PCDHA12: variants seen among roughly 807,000 people sequenced by gnomAD.
PCDHA12 encodes the protein protocadherin alpha-12.
PCDHA12 carries 44 observed loss-of-function variants against 60.0 expected under a neutral mutation model. The ratio of observed to expected loss-of-function variants is 0.73; its 90% confidence interval spans 0.58 to 0.94. The LOEUF is 0.94. Ranked by LOEUF, PCDHA12 falls within the 40% of genes least tolerant of loss-of-function variation. The pLI, the probability that PCDHA12 is intolerant of heterozygous loss-of-function variation, is 0.00. For synonymous variants in PCDHA12, 569 were observed against 553.0 expected (o/e 1.03, Z -0.40); for missense variants, 1,276 against 1,239.7 (o/e 1.03, Z -0.44).
intron 1 of PCDHA12, among the ~76,000 whole-genome samples, chr5:140,918,114 G>C (rs989175486): frequency 5.8e-4 from 89 of 152,144 alleles, no homozygotes; most frequent in African/African-American, 2.1e-3. Flanking sequence ...TCACATCCTT[G>C]ATTAGCCATA....
intron 1 of PCDHA12, among the ~76,000 whole-genome samples, chr5:140,964,575 G>A (rs2153740589): frequency 6.6e-6 from 1 of 152,212 alleles, no homozygotes; most frequent in East Asian, 1.9e-4. Flanking sequence ...GGAGATAAGG[G>A]GAGGAAAGAT....
At chr5:140,941,950 A>C (rs2093203816) in intron 1 of PCDHA12, among the ~76,000 whole-genome samples, 1 of 152,172 alleles carries the variant, frequency 6.6e-6, no homozygotes, top group Admixed American at 6.5e-5. Context: ...TTTGTTTTGA[A>C]AACAATAGTA....
intron 3 of PCDHA12, among the ~76,000 whole-genome samples, chr5:141,003,899 A>G (rs1288060303): frequency 1.3e-5 from 2 of 152,200 alleles, no homozygotes; most frequent in East Asian, 1.9e-4. Context: ...AGGCCCATTC[A>G]TTTGGGTCTT....
chr5:140,961,434 A>G (rs2095611315), intron 1 of PCDHA12, among the ~76,000 whole-genome samples: 1 of 152,174 alleles, frequency 6.6e-6, no homozygotes, highest in African/African-American at 2.4e-5. Context: ...TTACAAAATC[A>G]CCTAACTACA....
Position 140,982,458 on chromosome 5 carries a change from T to C in PCDHA12, c.2427-17T>C, listed in dbSNP as rs1554244201. 1 of 1,613,996 alleles carries C rather than the reference T, an allele frequency of 6.2e-7. No homozygotes were observed. Among genetic ancestry groups the C allele is most frequent in the Non-Finnish European group, 8.5e-7 (1 of 1,179,964 alleles). ...ATTTATGATCTAACCGTTATCTGGG[T>C]CTGTGTGTTTATTCAGCTCTGTGCA... On this transcript the variant is annotated splice_polypyrimidine_tract_variant and intron_variant, in intron 2 of 3. Transcript: ENST00000398631.
intron 3 of PCDHA12, among the ~76,000 whole-genome samples, chr5:141,003,897 T>G (rs1554259369): frequency 6.6e-6 from 1 of 152,132 alleles, no homozygotes; most frequent in Non-Finnish European, 1.5e-5. Flanking sequence ...ACAGGCCCAT[T>G]CATTTGGGTC....
chr5:140,877,076 T>G lies in PCDHA12; in HGVS notation c.1604T>G (p.Val535Gly). ...HEELELLQFQVSARDAGVPPL... is the reference protein window; with the variant it reads ...HEELELLQFQGSARDAGVPPL... Reference sequence around the variant, plus strand: ...GAGCTGGAGCTGCTGCAGTTCCAGGTGAGCGCGCGCGACGCCGGCGTGCCG... The same window carrying G: ...GAGCTGGAGCTGCTGCAGTTCCAGGGGAGCGCGCGCGACGCCGGCGTGCCG... The change falls in exon 1 of 4, where the codon GTG (valine) becomes GGG (glycine). Residue 535 changes from valine to glycine, a missense_variant. Coordinates refer to ENST00000398631, the MANE Select transcript of PCDHA12 (RefSeq NM_018903.4). 1 of 1,613,022 alleles carries G rather than the reference T, an allele frequency of 6.2e-7. No individual in the cohort carries two copies. Among genetic ancestry groups the G allele is most frequent in the Non-Finnish European group, 8.5e-7 (1 of 1,179,826 alleles).
intron 1 of PCDHA12, among the ~76,000 whole-genome samples, chr5:140,913,322 T>G (rs1348973730): frequency 6.6e-6 from 1 of 152,190 alleles, no homozygotes; most frequent in Non-Finnish European, 1.5e-5. Context: ...GTAAGTTGTA[T>G]GTGTCTAGGA....
intron 1 of PCDHA12, among the ~76,000 whole-genome samples, chr5:140,921,243 G>A (rs2080116903): frequency 6.6e-6 from 1 of 151,726 alleles, no homozygotes; most frequent in Non-Finnish European, 1.5e-5. Flanking sequence ...TTAAGCCACA[G>A]ATCAAAAAGT....
rs782277287 is a variant in PCDHA12 at position 140,929,397 on chromosome 5, T to C, written c.2368-49552T>C. 4.6e-6 allele frequency: 7 copies of C among 1,509,852 alleles called. No homozygotes were observed. In the South Asian group the frequency reaches 9.5e-5, roughly 21 times the overall value. The allele number at this position is 1,509,852 out of a possible 1,614,324, so 93.5% of individuals were successfully genotyped here. A position where few individuals can be genotyped will look rare whatever the true frequency, so the allele number is the denominator to read the frequency against. Reference sequence around the variant, plus strand: ...GCTAGCTGTGTTTTGAAATATTTCTTAGACAAGCCTTTCACAACATTTCAT... The same window carrying C: ...GCTAGCTGTGTTTTGAAATATTTCTCAGACAAGCCTTTCACAACATTTCAT... On this transcript the variant is annotated intron_variant, in intron 1 of 3. Transcript: ENST00000398631.
At chr5:140,928,994 T>G (rs781964406) in intron 1 of PCDHA12, 2 of 1,613,992 alleles carry the variant, frequency 1.2e-6, no homozygotes, top group Admixed American at 3.3e-5. Flanking sequence ...TGCTTACTTT[T>G]CTTCGTGTGT....
At chr5:140,921,992 C>T (rs963694302) in intron 1 of PCDHA12, among the ~76,000 whole-genome samples, 1 of 151,726 alleles carries the variant, frequency 6.6e-6, no homozygotes, top group East Asian at 1.9e-4. Context: ...AAAAAGAGTT[C>T]AATGAAATGA....
At chr5:140,967,113 G>T in intron 1 of PCDHA12, 1 of 1,612,880 alleles carries the variant, frequency 6.2e-7, no homozygotes, top group Non-Finnish European at 8.5e-7. Flanking sequence ...CAGCGGCCTC[G>T]CTGCCTGCTC....
intron 3 of PCDHA12, among the ~76,000 whole-genome samples, chr5:140,985,878 T>C (rs891027308): frequency 6.6e-6 from 1 of 151,706 alleles, no homozygotes; most frequent in Non-Finnish European, 1.5e-5. Flanking sequence ...TAGCTGGGAC[T>C]ACAGGCGCCC....
intron 3 of PCDHA12, among the ~76,000 whole-genome samples, chr5:141,007,365 A>G (rs1027558453): frequency 6.7e-6 from 1 of 149,886 alleles, no homozygotes; most frequent in African/African-American, 2.5e-5. Context: ...AGCCTGGGCA[A>G]CATGATGGAA....
intron 3 of PCDHA12, among the ~76,000 whole-genome samples, chr5:140,989,936 C>T (rs564429410): frequency 1.3e-5 from 2 of 152,104 alleles, no homozygotes; most frequent in Non-Finnish European, 2.9e-5. Flanking sequence ...AGATGACATT[C>T]CACGTTTTTC....
intron 1 of PCDHA12, among the ~76,000 whole-genome samples, chr5:140,907,985 A>T (rs1377305456): frequency 2.6e-5 from 4 of 152,178 alleles, no homozygotes; most frequent in East Asian, 1.9e-4. Flanking sequence ...GCTTCTTCCA[A>T]GTCCTTAACC....
intron 1 of PCDHA12, among the ~76,000 whole-genome samples, chr5:140,933,894 A>G (rs2089494206): frequency 6.6e-6 from 1 of 151,894 alleles, no homozygotes; most frequent in Non-Finnish European, 1.5e-5. Context: ...ACTTTTGAAT[A>G]TTTTGGCATA....
At chr5:140,921,967 G>GA (rs2080533534) in intron 1 of PCDHA12, among the ~76,000 whole-genome samples, 1 of 151,284 alleles carries the variant, frequency 6.6e-6, no homozygotes, top group Non-Finnish European at 1.5e-5. Context: ...AAAACCAAAG[G>GA]AAAAAATAGA....
Sources: allele counts gnomAD v4.1 joint callset (sites outside exome capture counted in the v4.1 genomes callset), GRCh38; gene constraint gnomAD v4.1.1; transcripts MANE v1.5; gene names NCBI Gene and HGNC (gene_info 2026-07-23, HGNC 2026-07-21).